GPHN: variants seen among roughly 807,000 people sequenced by gnomAD.
GPHN encodes the protein gephyrin.
Under a neutral mutation model 95.5 loss-of-function variants are expected in GPHN, and 17 were observed. The observed-to-expected ratio is 0.18, with a 90% CI of 0.12 to 0.27. The LOEUF is 0.27. Ranked by LOEUF, GPHN falls within the 10% of genes least tolerant of loss-of-function variation. GPHN has a pLI of 1.00. For missense variants in GPHN, 660 were observed against 978.1 expected (o/e 0.67, Z 4.34); for synonymous variants, 320 against 322.5 (o/e 0.99, Z 0.08).
intron 10 of GPHN, among the ~76,000 whole-genome samples, chr14:67,052,533 A>G (rs1471095695): frequency 6.6e-6 from 1 of 151,468 alleles, no homozygotes; most frequent in Non-Finnish European, 1.5e-5. Context: ...TCAATATTAG[A>G]TCACTGAGAC....
the GPHN span, among the ~76,000 whole-genome samples, chr14:67,530,922 C>G: frequency 6.6e-6 from 1 of 152,200 alleles, no homozygotes; most frequent in Non-Finnish European, 1.5e-5. Flanking sequence ...TCACCTCTCA[C>G]GTCCCATGGC....
chr14:67,157,999 A>G (rs1369574319), intron 18 of GPHN, among the ~76,000 whole-genome samples: 1 of 151,644 alleles, frequency 6.6e-6, no homozygotes, highest in African/African-American at 2.4e-5. Context: ...AAAATATAGG[A>G]ATATTTGATA....
At chr14:66,688,151 A>G (rs926935817) in intron 2 of GPHN, among the ~76,000 whole-genome samples, 7 of 152,228 alleles carry the variant, frequency 4.6e-5, no homozygotes, top group African/African-American at 1.7e-4. Flanking sequence ...ATTATTAAGA[A>G]TAACAAAATT....
the GPHN span, among the ~76,000 whole-genome samples, chr14:67,309,394 T>A: frequency 1.3e-5 from 2 of 152,200 alleles, no homozygotes; most frequent in Non-Finnish European, 2.9e-5. Context: ...AAATAAATTT[T>A]CCTTAGGAAA....
the GPHN span, among the ~76,000 whole-genome samples, chr14:67,526,281 C>T: frequency 5.3e-5 from 8 of 152,036 alleles, no homozygotes; most frequent in Admixed American, 2.0e-4. Flanking sequence ...TTATCTGTAG[C>T]AGAGCAAAAA....
the GPHN span, among the ~76,000 whole-genome samples, chr14:67,525,028 CT>C: frequency 6.6e-6 from 1 of 152,150 alleles, no homozygotes; most frequent in African/African-American, 2.4e-5. Context: ...TGAATCTCGG[CT>C]TTCTACTTAC....
chr14:67,147,159 T>C (rs1354347757), intron 18 of GPHN, among the ~76,000 whole-genome samples: 1 of 152,250 alleles, frequency 6.6e-6, no homozygotes, highest in Non-Finnish European at 1.5e-5. Context: ...GCAGTCTGCT[T>C]TCCTGAAGCC....
chr14:66,695,313 A>T (rs955695658), intron 2 of GPHN, among the ~76,000 whole-genome samples: 2 of 152,228 alleles, frequency 1.3e-5, no homozygotes, highest in African/African-American at 4.8e-5. Context: ...GGAAATGCAA[A>T]TTAAAACAAC....
chr14:67,217,116 T>C, the GPHN span, among the ~76,000 whole-genome samples: 1 of 152,330 alleles, frequency 6.6e-6, no homozygotes, highest in East Asian at 1.9e-4. Context: ...ACAATTGTTA[T>C]ATCTTCACGT....
the GPHN span, among the ~76,000 whole-genome samples, chr14:67,341,846 ATTC>A: frequency 2.0e-5 from 3 of 152,202 alleles, no homozygotes; most frequent in Non-Finnish European, 2.9e-5. Flanking sequence ...ACTAAGAAAA[ATTC>A]TTCTGCTTTG....
intron 11 of GPHN, among the ~76,000 whole-genome samples, chr14:67,074,865 G>A (rs2076435589): frequency 6.6e-6 from 1 of 152,164 alleles, no homozygotes; most frequent in Non-Finnish European, 1.5e-5. Flanking sequence ...GCAGAGGTTG[G>A]CTTATGAGCT....
At chr14:66,942,051 A>G (rs989181884) in intron 8 of GPHN, among the ~76,000 whole-genome samples, 1 of 152,202 alleles carries the variant, frequency 6.6e-6, no homozygotes, top group East Asian at 1.9e-4. Context: ...TGCTCTTCTC[A>G]CCCAAGCTGG....
At chr14:67,496,307 G>T in the GPHN span, among the ~76,000 whole-genome samples, 1 of 149,890 alleles carries the variant, frequency 6.7e-6, no homozygotes, top group East Asian at 2.0e-4. Context: ...TGCCCAGGCT[G>T]GTCTCAAATT....
At chr14:66,706,855 C>G (rs1377651000) in intron 2 of GPHN, among the ~76,000 whole-genome samples, 1 of 151,986 alleles carries the variant, frequency 6.6e-6, no homozygotes, top group African/African-American at 2.4e-5. Context: ...GCAAAAGAAA[C>G]TATCCTCAGA....
At position 67,159,423 on chromosome 14, in the gene GPHN, CA is replaced by C; in HGVS notation, c.1847del (p.Lys616SerfsTer19). On this transcript the variant is annotated frameshift_variant, in exon 19 of 23. Transcript: ENST00000478722. LOFTEE classifies it high-confidence loss of function. Reference protein sequence around the residue: ...GVSMGEKDYLKQVLDIDLHAQ... With the variant: ...GVSMGEKDYLXQVLDIDLHAQ... ...ATTTTTAATGTTTGCAGGACTATCT[CA>C]AGCAGGTGCTGGACATTGATCTTCA... 6.3e-7 allele frequency: 1 copy of C among 1,593,314 alleles called. No individual in the cohort carries two copies. The highest frequency in any genetic ancestry group is 8.6e-7 in the Non-Finnish European group (1 of 1,161,166).
intron 9 of GPHN, among the ~76,000 whole-genome samples, chr14:66,984,893 C>T (rs1245142301): frequency 1.3e-5 from 2 of 150,694 alleles, no homozygotes; most frequent in African/African-American, 4.9e-5. Context: ...CATTAGTTCT[C>T]ATTAGAGCTC....
Position 67,019,614 on chromosome 14 carries a change from C to T in GPHN, c.964-4019C>T, listed in dbSNP as rs76984729. On this transcript the variant is annotated intron_variant, in intron 9 of 22. Coordinates refer to ENST00000478722, the MANE Select transcript of GPHN (RefSeq NM_020806.5). ...TATTGTTATGAACCTATTCTTAACACGGGTTTTATTTTCTTTGTTTCTCTC... is the reference window on the plus strand; with the variant it reads ...TATTGTTATGAACCTATTCTTAACATGGGTTTTATTTTCTTTGTTTCTCTC... Among the ~76,000 whole-genome samples, 806 of 152,198 alleles carry T rather than the reference C, an allele frequency of 5.3e-3. 18 individuals are homozygous for T. The highest frequency in any genetic ancestry group is 0.042 in the Admixed American group (638 of 15,280).
the GPHN span, chr14:67,586,934 G>A: frequency 6.5e-7 from 1 of 1,542,898 alleles, no homozygotes; most frequent in Non-Finnish European, 8.7e-7. Flanking sequence ...GATTCCCTTT[G>A]GATATTTTCT....
chr14:67,532,768 G>A, the GPHN span, among the ~76,000 whole-genome samples: 106 of 152,282 alleles, frequency 7.0e-4, no homozygotes, highest in African/African-American at 2.3e-3. Flanking sequence ...CATTTGGTCT[G>A]CCAGACTGAA....
Sources: gnomAD v4.1 joint callset for allele counts (sites outside exome capture counted in the v4.1 genomes callset) on GRCh38, gnomAD v4.1.1 for gene constraint, MANE v1.5 for transcripts, NCBI Gene and HGNC (gene_info 2026-07-23, HGNC 2026-07-21) for gene names.